Variants in OTUD7A observed in about 807,000 individuals in gnomAD.
The protein encoded by OTUD7A is OTU deubiquitinase 7A, also known as OTU domain-containing protein 7A.
Under a neutral mutation model 65.7 loss-of-function variants are expected in OTUD7A, and 12 were observed. The ratio of observed to expected loss-of-function variants is 0.18; its 90% CI spans 0.12 to 0.30. OTUD7A has a LOEUF of 0.30. OTUD7A is among the 10% of genes least tolerant of loss of function. OTUD7A has a pLI of 1.00. For missense variants in OTUD7A, 1,148 were observed against 1,304.8 expected, an observed-to-expected ratio of 0.88 and a Z score of 1.85; for synonymous variants, 641 against 586.3, an observed-to-expected ratio of 1.09 and a Z score of -1.35.
Position 31,484,326 on chromosome 15 carries a change from C to T in OTUD7A, c.1770G>A (p.Pro590=), listed in dbSNP as rs750371745. 44 of 1,598,794 alleles carry T rather than the reference C, an allele frequency of 2.8e-5. No individual in the cohort carries two copies. In the East Asian group the frequency reaches 8.9e-4, roughly 32 times the overall value. Residue 590 remains proline, a synonymous_variant, in exon 13 of 13, where the codon CCG becomes CCA. Transcript: ENST00000307050. This position sits in a 1 kb window ranked among gnomAD's most constrained non-coding sequence, Gnocchi z 4.5. ...EESGASASTS[P]SEKTTPSPTD... is the part of the protein sequence containing the mutation. Reference sequence around the variant, plus strand: ...TGGGCGACGGCGTGGTCTTTTCCGACGGCGACGTGCTGGCCGACGCACCAG... The same window carrying T: ...TGGGCGACGGCGTGGTCTTTTCCGATGGCGACGTGCTGGCCGACGCACCAG...
intron 8 of OTUD7A, among the ~76,000 whole-genome samples, chr15:31,517,938 G>A (rs996591869): frequency 5.3e-5 from 8 of 152,110 alleles, no homozygotes; most frequent in Non-Finnish European, 1.0e-4. Flanking sequence ...TCTTGTTAAA[G>A]GGCAGTCACC....
Position 31,568,444 on chromosome 15 carries a change from T to G in OTUD7A, c.331+1574A>C, listed in dbSNP as rs1367283386. Among the ~76,000 whole-genome samples, 4 of 152,244 alleles carry G rather than the reference T, an allele frequency of 2.6e-5. No homozygotes were observed. The East Asian group carries it at 7.7e-4, about 29-fold the overall frequency. On this transcript the variant is annotated intron_variant, in intron 4 of 12. Transcript: ENST00000307050. The stretch of plus-strand genomic sequence containing the variant: ...TATCTTGGGAGTGAATAACTTGTTT[T>G]TGATTTTACAGGCTCACAGGTGGAA...
chr15:31,640,363 C>T (rs1482117739), intron 3 of OTUD7A, among the ~76,000 whole-genome samples: 1 of 152,036 alleles, frequency 6.6e-6, no homozygotes, highest in South Asian at 2.1e-4. Context: ...AGAACTTACT[C>T]ATGTAACCAA....
At chr15:31,520,585 C>T in intron 8 of OTUD7A, among the ~76,000 whole-genome samples, 1 of 152,152 alleles carries the variant, frequency 6.6e-6, no homozygotes. Context: ...TGGACATTGG[C>T]CTATGCAAAT....
chr15:31,675,800 A>C (rs2455710), intron 1 of OTUD7A, among the ~76,000 whole-genome samples: 1 of 152,198 alleles, frequency 6.6e-6, no homozygotes, highest in Non-Finnish European at 1.5e-5. Flanking sequence ...CCCACCAAAT[A>C]TCCTGTAAGT....
At chr15:31,700,115 T>C (rs1490218897) in intron 1 of OTUD7A, among the ~76,000 whole-genome samples, 3 of 152,070 alleles carry the variant, frequency 2.0e-5, no homozygotes, top group South Asian at 2.1e-4. Context: ...ACAGTGGTCA[T>C]GCTGCCACTG....
rs559568185 is a variant in OTUD7A, at chr15:31,509,600, A to T, written c.894-5782T>A. Among the ~76,000 whole-genome samples, 20 of 152,144 alleles carry T rather than the reference A, an allele frequency of 1.3e-4. 1 individual carries two copies. Among genetic ancestry groups the T allele is most frequent in the South Asian group, 4.1e-4 (2 of 4,824 alleles). On this transcript the variant is annotated intron_variant, in intron 8 of 12. Transcript: ENST00000307050. ...GCCTTGTTTAAAGTTTTAAAACAAA[A>T]TTTTTTTAACCTTTTAATGTAGGTA...
chr15:31,671,026 G>C (rs981380694), intron 1 of OTUD7A, among the ~76,000 whole-genome samples: 7 of 152,064 alleles, frequency 4.6e-5, no homozygotes, highest in African/African-American at 1.7e-4. Flanking sequence ...CCATTCTGTA[G>C]GCTGTCTGTT....
intron 3 of OTUD7A, among the ~76,000 whole-genome samples, chr15:31,625,004 C>T (rs1318056276): frequency 2.0e-5 from 3 of 152,308 alleles, no homozygotes; most frequent in South Asian, 2.1e-4. Context: ...ATGTCACTTC[C>T]GAGATTACTC....
chr15:31,483,543 G>A lies in OTUD7A; in HGVS notation c.2553C>T (p.Ala851=). The change falls in exon 13 of 13, where the codon GCC becomes GCT. Residue 851 remains alanine, a synonymous_variant. Transcript: ENST00000307050. ...TGGTGTAGGTCTGCGACTTGTGCTC[G>A]GCCGCCCCCGCCGTCCCCGCCGCGC... ...LPGAAGTAGA[A]EHKSQTYTNG... 7.5e-7 allele frequency: 1 copy of A among 1,336,232 alleles called. No homozygotes were observed. The highest frequency in any genetic ancestry group is 1.7e-5 in the South Asian group (1 of 59,918). 82.8% of individuals were successfully genotyped at this position (1,336,232 alleles called of 1,614,324 possible). A position where few individuals can be genotyped will look rare whatever the true frequency, so the allele number is the denominator to read the frequency against.
At chr15:31,601,340 C>T (rs144781390) in intron 3 of OTUD7A, among the ~76,000 whole-genome samples, 90 of 152,292 alleles carry the variant, frequency 5.9e-4, no homozygotes, top group African/African-American at 2.1e-3. Context: ...GGAAACTGAA[C>T]AACCTGCTCC....
intron 1 of OTUD7A, among the ~76,000 whole-genome samples, chr15:31,722,182 A>T (rs1893758377): frequency 6.6e-6 from 1 of 152,140 alleles, no homozygotes; most frequent in Non-Finnish European, 1.5e-5. Context: ...GGTCAAGGGA[A>T]TCTCTGGCAG....
At chr15:31,561,345 C>T (rs1888682628) in intron 4 of OTUD7A, among the ~76,000 whole-genome samples, 1 of 152,178 alleles carries the variant, frequency 6.6e-6, no homozygotes, top group African/African-American at 2.4e-5. Flanking sequence ...CATCTTGCCA[C>T]AAACTACCAT....
chr15:31,766,553 T>C, intron 1 of OTUD7A: 1 of 1,613,152 alleles, frequency 6.2e-7, no homozygotes, highest in South Asian at 1.1e-5. Context: ...TTTGCACACT[T>C]GTGCTGCCTT....
At chr15:31,485,994 C>T (rs1036989200) in intron 12 of OTUD7A, among the ~76,000 whole-genome samples, 15 of 152,274 alleles carry the variant, frequency 9.9e-5, no homozygotes, top group Admixed American at 3.9e-4. Context: ...GGTGGACACT[C>T]GGGCTGGGCC....
At chr15:31,781,458 C>A (rs1312178139) in intron 1 of OTUD7A, among the ~76,000 whole-genome samples, 1 of 151,870 alleles carries the variant, frequency 6.6e-6, no homozygotes, top group Non-Finnish European at 1.5e-5. Context: ...CAGGAGCCAT[C>A]CCACTGCACC....
In OTUD7A at chr15:31,487,932, G is replaced by A. The variant is rs936435329; in HGVS notation, c.1172-366C>T. Among the ~76,000 whole-genome samples the A allele has an allele frequency of 6.6e-6, 1 of 152,142 alleles. No individual in the cohort carries two copies. The highest frequency in any genetic ancestry group is 1.5e-5 in the Non-Finnish European group (1 of 68,016). On this transcript the variant is annotated intron_variant, in intron 10 of 12. Coordinates refer to ENST00000307050, the MANE Select transcript of OTUD7A (RefSeq NM_001382637.1). This position sits in a 1 kb window ranked among gnomAD's most constrained non-coding sequence, Gnocchi z 6.0. ...AGGCCACCTTGCAGGTGGGCCTGGG[G>A]CTCAGCTCTCCTGTCTCGTCCCAGA... is the stretch of plus-strand genomic sequence containing the variant.
intron 4 of OTUD7A, among the ~76,000 whole-genome samples, chr15:31,568,605 G>T (rs1272410580): frequency 6.6e-6 from 1 of 152,224 alleles, no homozygotes; most frequent in Admixed American, 6.5e-5. Flanking sequence ...GGGCCCAGGA[G>T]TGGATTGATA....
At chr15:31,682,690 T>C (rs181915842) in intron 1 of OTUD7A, among the ~76,000 whole-genome samples, 5 of 152,352 alleles carry the variant, frequency 3.3e-5, no homozygotes, top group Middle Eastern at 3.4e-3. Context: ...TATATAAAAA[T>C]TAACTCTGAA....
Sources: allele counts gnomAD v4.1 joint callset (sites outside exome capture counted in the v4.1 genomes callset), GRCh38; gene constraint gnomAD v4.1.1; non-coding constraint Gnocchi (gnomAD v3.1); transcripts MANE v1.5; gene names NCBI Gene and HGNC (gene_info 2026-07-23, HGNC 2026-07-21).